SHISA9: variants seen among roughly 807,000 people sequenced by gnomAD.
SHISA9 encodes the protein protein shisa-9.
SHISA9 carries 13 observed loss-of-function variants against 38.0 expected under a neutral mutation model. The observed-to-expected ratio is 0.34, with a 90% CI of 0.22 to 0.54. The LOEUF is 0.54. Among genes scored for constraint, SHISA9 ranks in the 20% least tolerant of loss-of-function variants. The pLI, the probability that SHISA9 is intolerant of heterozygous loss-of-function variation, is 0.91. For missense variants in SHISA9, 538 were observed against 575.8 expected, an observed-to-expected ratio of 0.93 and a Z score of 0.67; for synonymous variants, 275 against 242.0, an observed-to-expected ratio of 1.14 and a Z score of -1.27.
the SHISA9 span, among the ~76,000 whole-genome samples, chr16:13,361,750 T>C: frequency 1.4e-4 from 22 of 152,336 alleles, no homozygotes; most frequent in East Asian, 7.7e-4. Flanking sequence ...ATCTCCACTC[T>C]CCTTCTCAGA....
intron 2 of SHISA9, among the ~76,000 whole-genome samples, chr16:13,195,766 C>G (rs1385482201): frequency 1.3e-5 from 2 of 152,064 alleles, no homozygotes; most frequent in African/African-American, 4.8e-5. Flanking sequence ...ACCCATAACC[C>G]CAATCTAATC....
the SHISA9 span, among the ~76,000 whole-genome samples, chr16:13,392,860 A>G: frequency 6.6e-6 from 1 of 152,254 alleles, no homozygotes; most frequent in Non-Finnish European, 1.5e-5. Flanking sequence ...AAGCTAAGGC[A>G]GAGGCCTGGA....
intron 1 of SHISA9, among the ~76,000 whole-genome samples, chr16:12,908,149 A>G (rs1398653858): frequency 3.5e-5 from 2 of 57,662 alleles, no homozygotes; most frequent in African/African-American, 4.9e-5. Flanking sequence ...CCCTTTTATC[A>G]TCATCCTTAT....
At chr16:13,126,878 G>C (rs115488161) in intron 2 of SHISA9, among the ~76,000 whole-genome samples, 2,102 of 139,308 alleles carry the variant, frequency 0.015, 68 homozygotes, top group African/African-American at 0.054. Flanking sequence ...GGGAAGAAGA[G>C]AGAAGGAGGA....
intron 2 of SHISA9, among the ~76,000 whole-genome samples, chr16:13,105,099 T>C (rs1243080824): frequency 6.6e-6 from 1 of 152,172 alleles, no homozygotes. Flanking sequence ...CAATAAAATA[T>C]ATTAAAAACT....
At chr16:12,910,407 AG>A (rs1166815775) in intron 1 of SHISA9, 3 of 947,858 alleles carry the variant, frequency 3.2e-6, no homozygotes, top group Non-Finnish European at 3.8e-6. Flanking sequence ...ATAGTACAAA[AG>A]CAATCCCTGC....
At chr16:13,394,130 C>G in the SHISA9 span, among the ~76,000 whole-genome samples, 1 of 152,170 alleles carries the variant, frequency 6.6e-6, no homozygotes, top group South Asian at 2.1e-4. Flanking sequence ...TTCCACTCAC[C>G]TTCTTGCATT....
At chr16:13,117,698 T>C (rs2074044336) in intron 2 of SHISA9, among the ~76,000 whole-genome samples, 1 of 152,196 alleles carries the variant, frequency 6.6e-6, no homozygotes, top group Admixed American at 6.5e-5. Context: ...GGAAGGGGCA[T>C]GGCCCTGCCA....
At chr16:13,460,636 A>G in the SHISA9 span, among the ~76,000 whole-genome samples, 1 of 152,216 alleles carries the variant, frequency 6.6e-6, no homozygotes, top group African/African-American at 2.4e-5. Context: ...TGATGCTTAA[A>G]AGGATATGAT....
chr16:13,397,360 G>T, the SHISA9 span, among the ~76,000 whole-genome samples: 1 of 152,172 alleles, frequency 6.6e-6, no homozygotes, highest in Non-Finnish European at 1.5e-5. Context: ...ACAGTGTCTA[G>T]GTGTGAATGT....
At chr16:13,470,917 T>C in the SHISA9 span, among the ~76,000 whole-genome samples, 1 of 151,886 alleles carries the variant, frequency 6.6e-6, no homozygotes, top group Non-Finnish European at 1.5e-5. Flanking sequence ...TTTAGCACAG[T>C]TAGTTTGCTG....
chr16:13,412,085 C>A, the SHISA9 span, among the ~76,000 whole-genome samples: 2 of 152,104 alleles, frequency 1.3e-5, no homozygotes, highest in Non-Finnish European at 2.9e-5. Context: ...TAAACACACA[C>A]AAGGCCTATT....
At chr16:12,959,776 C>T (rs1172233531) in intron 2 of SHISA9, among the ~76,000 whole-genome samples, 1 of 152,226 alleles carries the variant, frequency 6.6e-6, no homozygotes, top group African/African-American at 2.4e-5. Context: ...AGACCTTCAA[C>T]CTTCTATTCC....
At chr16:13,384,630 T>C in the SHISA9 span, among the ~76,000 whole-genome samples, 3 of 152,202 alleles carry the variant, frequency 2.0e-5, no homozygotes, top group Admixed American at 6.5e-5. Flanking sequence ...ACCTTGAAGC[T>C]TTAAGGACAA....
At chr16:13,294,745 A>C in the SHISA9 span, among the ~76,000 whole-genome samples, 1 of 152,278 alleles carries the variant, frequency 6.6e-6, no homozygotes, top group African/African-American at 2.4e-5. Context: ...CTCAAACTCA[A>C]ATACTTACAG....
intron 2 of SHISA9, among the ~76,000 whole-genome samples, chr16:13,035,585 CACTGG>C (rs1235915889): frequency 6.6e-6 from 1 of 151,706 alleles, no homozygotes; most frequent in Non-Finnish European, 1.5e-5. Context: ...GGCTGGAGTG[CACTGG>C]AGTGATGTCG....
chr16:13,456,890 A>C, the SHISA9 span, among the ~76,000 whole-genome samples: 9 of 146,396 alleles, frequency 6.1e-5, no homozygotes, highest in African/African-American at 2.2e-4. Context: ...ACCATCCATG[A>C]CTCCATGGGG....
intron 4 of SHISA9, among the ~76,000 whole-genome samples, chr16:13,233,066 A>G (rs1439875995): frequency 6.6e-6 from 1 of 152,202 alleles, no homozygotes; most frequent in Non-Finnish European, 1.5e-5. Context: ...GGGGTAAAAT[A>G]TTTTGACTTT....
At chr16:12,948,083 C>T (rs4781356) in intron 2 of SHISA9, among the ~76,000 whole-genome samples, 3 of 152,044 alleles carry the variant, frequency 2.0e-5, no homozygotes, top group African/African-American at 7.2e-5. Context: ...TGTGCCAAAC[C>T]AATTGTGTGC....
Sources: gnomAD v4.1 joint callset for allele counts (sites outside exome capture counted in the v4.1 genomes callset) on GRCh38, gnomAD v4.1.1 for gene constraint, MANE v1.5 for transcripts, NCBI Gene and HGNC (gene_info 2026-07-23, HGNC 2026-07-21) for gene names.